The following TRMT10B variants were observed in gnomAD, a reference collection of about 807,000 sequenced individuals.
The protein encoded by TRMT10B is tRNA methyltransferase 10B, also known as tRNA methyltransferase 10 homolog B.
Under a neutral mutation model 43.8 loss-of-function variants are expected in TRMT10B, and 33 were observed. The ratio of observed to expected loss-of-function variants is 0.75; its 90% CI spans 0.57 to 1.01. The LOEUF is 1.01. Among genes scored for constraint, TRMT10B ranks in the 50% least tolerant of loss-of-function variants. The pLI, the probability that TRMT10B is intolerant of heterozygous loss-of-function variation, is 0.00. For synonymous variants in TRMT10B, 137 were observed against 130.6 expected (o/e 1.05, Z -0.34); for missense variants, 362 against 369.8 (o/e 0.98, Z 0.17).
intron 2 of TRMT10B, 36 bp from the exon 3 acceptor site, chr9:37,762,541 A>G (rs762668726): frequency 6.5e-7 from 1 of 1,547,578 alleles, no homozygotes; most frequent in South Asian, 1.3e-5. Flanking sequence ...GTGCTTATGA[A>G]GTTCTCAAAC....
Position 37,762,595 on chromosome 9 carries a change from C to G in TRMT10B, c.205C>G (p.Gln69Glu). 1.3e-6 allele frequency: 2 copies of G among 1,593,166 alleles called. No homozygotes were observed. Among genetic ancestry groups the G allele is most frequent in the Non-Finnish European group, 1.7e-6 (2 of 1,169,156 alleles). Residue 69 changes from glutamine (Q) to glutamate (E), a missense_variant, in exon 3 of 9, where the codon CAG (glutamine) becomes GAG (glutamate). Transcript: ENST00000297994. ...AWCSKNVQRK[Q>E]RHWEKIVAAK... ...ATATAAGAAAAATGTCCAGAGAAAA[C>G]AGAGACACTGGGAAAAGATAGTTGC...
At chr9:37,762,250 T>C (rs1194912232) in intron 2 of TRMT10B, 133 bp downstream of exon 2, 1 of 1,111,280 alleles carries the variant, frequency 9.0e-7, no homozygotes. Flanking sequence ...ATGAATTTTC[T>C]GCTAACTGGT....
chr9:37,771,492 T>C (rs1189300299), intron 7 of TRMT10B, among the ~76,000 whole-genome samples: 2 of 152,248 alleles, frequency 1.3e-5, no homozygotes, highest in Non-Finnish European at 2.9e-5. Context: ...ATGAGATGTA[T>C]GTATATTTAA....
intron 2 of TRMT10B, 71 bp downstream of exon 2, chr9:37,762,188 T>TG: frequency 6.9e-7 from 1 of 1,450,252 alleles, no homozygotes; most frequent in South Asian, 1.3e-5. Flanking sequence ...GTTTTAAAGA[T>TG]GGATACTGGT....
intron 1 of TRMT10B, 130 bp downstream of exon 1, chr9:37,753,982 A>ACCTTCCTGATACTTTC (rs1454912954): frequency 3.9e-5 from 6 of 152,312 alleles, no homozygotes; most frequent in Non-Finnish European, 8.8e-5. Flanking sequence ...GTGGTACTCC[A>ACCTTCCTGATACTTTC]CCTTCCTGAT....
intron 5 of TRMT10B, among the ~76,000 whole-genome samples, chr9:37,769,105 C>T (rs1468102117): frequency 6.6e-6 from 1 of 151,670 alleles, no homozygotes; most frequent in Non-Finnish European, 1.5e-5. Context: ...CTCAGGAGCT[C>T]GAGACTAGCC....
chr9:37,767,990 A>C (rs1378358239), intron 4 of TRMT10B, 86 bp from the exon 5 acceptor site: 4 of 1,504,726 alleles, frequency 2.7e-6, no homozygotes, highest in Non-Finnish European at 3.7e-6. Flanking sequence ...AGTAGCGTTC[A>C]GTGAACTTAT....
intron 7 of TRMT10B, among the ~76,000 whole-genome samples, chr9:37,775,732 T>A (rs568488347): frequency 1.8e-3 from 275 of 152,104 alleles, no homozygotes; most frequent in Non-Finnish European, 2.5e-3. Context: ...AGACAGGATC[T>A]CCCTATGTTG....
At chr9:37,772,986 TAA>T (rs1254041240) in intron 7 of TRMT10B, among the ~76,000 whole-genome samples, 2 of 152,272 alleles carry the variant, frequency 1.3e-5, no homozygotes, top group East Asian at 1.9e-4. Context: ...ATTACAGATT[TAA>T]AAGTTTTCTT....
At chr9:37,757,571 G>A (rs1465745904) in intron 1 of TRMT10B, among the ~76,000 whole-genome samples, 2 of 152,124 alleles carry the variant, frequency 1.3e-5, no homozygotes, top group Non-Finnish European at 2.9e-5. Flanking sequence ...TGAAAATCTA[G>A]AAGGTAATTT....
At chr9:37,755,131 A>G (rs10121070) in intron 1 of TRMT10B, among the ~76,000 whole-genome samples, 58,163 of 151,912 alleles carry the variant, frequency 0.38, 11,600 homozygotes, top group African/African-American at 0.5. Context: ...ATCTAGCCGG[A>G]CATGGTGGCG....
intron 7 of TRMT10B, among the ~76,000 whole-genome samples, chr9:37,774,002 T>C (rs1827869441): frequency 1.3e-5 from 2 of 151,694 alleles, no homozygotes; most frequent in South Asian, 4.2e-4. Context: ...AAAAGTTTAT[T>C]AGTCTTACCT....
chr9:37,770,354 C>T (rs1827437127), intron 6 of TRMT10B, among the ~76,000 whole-genome samples: 1 of 152,222 alleles, frequency 6.6e-6, no homozygotes, highest in Non-Finnish European at 1.5e-5. Flanking sequence ...ATTCATTTCA[C>T]ATAATTTTAA....
At chr9:37,771,089 G>A (rs1166144571) in intron 7 of TRMT10B, among the ~76,000 whole-genome samples, 1 of 152,200 alleles carries the variant, frequency 6.6e-6, no homozygotes, top group African/African-American at 2.4e-5. Context: ...CTCCTTCTAA[G>A]GTTGATCTCT....
chr9:37,774,021 G>A (rs1827871833), intron 7 of TRMT10B, among the ~76,000 whole-genome samples: 2 of 151,894 alleles, frequency 1.3e-5, no homozygotes, highest in Admixed American at 1.3e-4. Context: ...CTGCAGCAGG[G>A]TGACAGCGCC....
intron 7 of TRMT10B, among the ~76,000 whole-genome samples, chr9:37,772,917 A>G (rs1827737740): frequency 6.6e-6 from 1 of 152,238 alleles, no homozygotes; most frequent in African/African-American, 2.4e-5. Context: ...GGAAAGCTTT[A>G]TAAAAAACAG....
chr9:37,753,580 A>C (rs1825202258), upstream of TRMT10B, among the ~76,000 whole-genome samples: 1 of 152,122 alleles, frequency 6.6e-6, no homozygotes, highest in Non-Finnish European at 1.5e-5. Context: ...TGAAGTTGGT[A>C]AAGGGTTGGG....
chr9:37,768,365 CTTAAAT>C (rs1827209723), intron 5 of TRMT10B, 137 bp downstream of exon 5: 14 of 998,556 alleles, frequency 1.4e-5, no homozygotes, highest in Non-Finnish European at 2.0e-5. Context: ...CTCATAAGTT[CTTAAAT>C]TTAAAATTTT....
chr9:37,755,289 T>TA (rs1554674554), intron 1 of TRMT10B, among the ~76,000 whole-genome samples: 3 of 149,134 alleles, frequency 2.0e-5, no homozygotes, highest in African/African-American at 5.0e-5. Context: ...TTTTTTTTTT[T>TA]AAAGTTAGTT....
Sources: allele counts gnomAD v4.1 joint callset (sites outside exome capture counted in the v4.1 genomes callset), GRCh38; gene constraint gnomAD v4.1.1; transcripts MANE v1.5; gene names NCBI Gene and HGNC (gene_info 2026-07-23, HGNC 2026-07-21).